CNTNAP2: variants seen among roughly 807,000 people sequenced by gnomAD.
CNTNAP2 encodes the protein contactin-associated protein-like 2.
In CNTNAP2, 98 loss-of-function variants were observed where a neutral mutation model predicts 155.2. The observed-to-expected ratio is 0.63, with a 90% CI of 0.54 to 0.75. The LOEUF is 0.75. CNTNAP2 is among the 30% of genes least tolerant of loss of function. The pLI, the probability that CNTNAP2 is intolerant of heterozygous loss-of-function variation, is 0.00. For missense variants in CNTNAP2, 1,727 were observed against 1,688.1 expected, an observed-to-expected ratio of 1.02 and a Z score of -0.40; for synonymous variants, 651 against 631.2, an observed-to-expected ratio of 1.03 and a Z score of -0.47.
rs78812897 is a variant in CNTNAP2 at position 146,823,848 on chromosome 7, T to C, written c.209-15863T>C. 1.9e-3 allele frequency among the ~76,000 whole-genome samples: 289 copies of C among 152,158 alleles called. 3 individuals are homozygous for C. The East Asian group carries it at 0.051, about 27-fold the overall frequency. ...GTTGAGATTTATAACTTGGACCCCG[T>C]ATTCTATAATGTCACACAGACATAT... On this transcript the variant is annotated intron_variant, in intron 2 of 23. Transcript: ENST00000361727.
At chr7:147,366,202 A>G (rs1355556911) in intron 9 of CNTNAP2, among the ~76,000 whole-genome samples, 1 of 152,128 alleles carries the variant, frequency 6.6e-6, no homozygotes, top group Non-Finnish European at 1.5e-5. Flanking sequence ...TAGATTTCCA[A>G]AATTTTACAT....
chr7:147,228,037 C>T (rs1258990090), intron 8 of CNTNAP2, among the ~76,000 whole-genome samples: 1 of 151,940 alleles, frequency 6.6e-6, no homozygotes, highest in Non-Finnish European at 1.5e-5. Context: ...GGTGTAAAGG[C>T]CTGCAAATAA....
At chr7:147,248,407 G>T (rs965588655) in intron 8 of CNTNAP2, among the ~76,000 whole-genome samples, 2 of 152,120 alleles carry the variant, frequency 1.3e-5, no homozygotes, top group Admixed American at 6.6e-5. Flanking sequence ...GGTACACTTC[G>T]CAGTCTTGGT....
chr7:146,720,952 CTA>C (rs796077488), intron 1 of CNTNAP2, among the ~76,000 whole-genome samples: 2 of 126,034 alleles, frequency 1.6e-5, no homozygotes, highest in African/African-American at 7.0e-5. Context: ...TCTATATATT[CTA>C]TATATATACA....
At chr7:147,125,175 C>G (rs2129283679) in intron 6 of CNTNAP2, among the ~76,000 whole-genome samples, 1 of 152,062 alleles carries the variant, frequency 6.6e-6, no homozygotes, top group African/African-American at 2.4e-5. Context: ...CCACCCCACC[C>G]AGCCCTAATT....
At chr7:147,383,562 T>C (rs1033594008) in intron 9 of CNTNAP2, among the ~76,000 whole-genome samples, 1 of 151,570 alleles carries the variant, frequency 6.6e-6, no homozygotes, top group Non-Finnish European at 1.5e-5. Flanking sequence ...TAAGTGGGAG[T>C]TGAACAATGA....
At chr7:147,388,540 A>G (rs192316290) in intron 9 of CNTNAP2, among the ~76,000 whole-genome samples, 41 of 152,256 alleles carry the variant, frequency 2.7e-4, no homozygotes, top group African/African-American at 8.2e-4. Flanking sequence ...ACACTAATTG[A>G]TTAAATCCTA....
chr7:147,868,571 C>T (rs1468580781), intron 13 of CNTNAP2, among the ~76,000 whole-genome samples: 1 of 152,222 alleles, frequency 6.6e-6, no homozygotes, highest in Non-Finnish European at 1.5e-5. Context: ...ATGCCCTGCC[C>T]ACAGAGGTGG....
chr7:146,774,968 G>A (rs191610379), intron 2 of CNTNAP2, among the ~76,000 whole-genome samples: 1 of 152,212 alleles, frequency 6.6e-6, no homozygotes, highest in African/African-American at 2.4e-5. Flanking sequence ...TTCACTGAGA[G>A]TAAAAGAACA....
In CNTNAP2 at chr7:148,187,147, C is replaced by CACACACAA. The variant is rs1197880658; in HGVS notation, c.3010+14670_3010+14671insCACACAAA. The stretch of plus-strand genomic sequence containing the variant: ...ACACACACACACACACACACACACA[C>CACACACAA]AAACAGAGCCAGGTGTGAGCTGGAC... On this transcript the variant is annotated intron_variant, in intron 18 of 23. Transcript: ENST00000361727. Among the ~76,000 whole-genome samples, 263 of 67,188 alleles carry CACACACAA rather than the reference C, an allele frequency of 3.9e-3. 24 individuals carry two copies. Among genetic ancestry groups the CACACACAA allele is most frequent in the African/African-American group, 7.0e-3 (225 of 32,232 alleles). The allele number at this position is 67,188 out of a possible 152,430, so 44.1% of individuals were successfully genotyped here. A position where few individuals can be genotyped will look rare whatever the true frequency, so the allele number is the denominator to read the frequency against.
At chr7:146,810,898 G>A (rs139530809) in intron 2 of CNTNAP2, among the ~76,000 whole-genome samples, 176 of 152,186 alleles carry the variant, frequency 1.2e-3, no homozygotes, top group Non-Finnish European at 1.9e-3. Flanking sequence ...ATGATCATAT[G>A]ATTTTTAGCC....
chr7:147,910,852 T>G (rs1800052156), intron 14 of CNTNAP2, among the ~76,000 whole-genome samples: 1 of 152,160 alleles, frequency 6.6e-6, no homozygotes, highest in Non-Finnish European at 1.5e-5. Flanking sequence ...GAGATTTGGG[T>G]GGGAACACAG....
rs1225048153 is a variant in CNTNAP2, at chr7:147,234,334, C to CTTTTTTTTT, written c.1349-65794_1349-65786dup. On this transcript the variant is annotated intron_variant, in intron 8 of 23. Transcript: ENST00000361727. ...TTTCACCAGTTGTCCCAAGAGTATT[C>CTTTTTTTTT]TTTTTTTTTTTTTTTTTTTTTGAGA... 3.7e-5 allele frequency among the ~76,000 whole-genome samples: 4 copies of CTTTTTTTTT among 107,552 alleles called. 1 individual carries two copies. The highest frequency in any genetic ancestry group is 7.3e-5 in the African/African-American group (2 of 27,302). The allele number at this position is 107,552 out of a possible 152,430, so 70.6% of individuals were successfully genotyped here.
chr7:147,091,555 G>A (rs922298823), intron 4 of CNTNAP2, among the ~76,000 whole-genome samples: 5 of 151,422 alleles, frequency 3.3e-5, no homozygotes, highest in African/African-American at 4.9e-5. Context: ...GGGTTCAAAA[G>A]ATTCTCTTGC....
At chr7:148,032,506 C>T (rs1365024116) in intron 15 of CNTNAP2, among the ~76,000 whole-genome samples, 2 of 152,098 alleles carry the variant, frequency 1.3e-5, no homozygotes, top group Admixed American at 1.3e-4. Context: ...CCTCTCTGCT[C>T]AGATCTCAAA....
At chr7:147,978,597 G>C (rs2373286) in intron 15 of CNTNAP2, among the ~76,000 whole-genome samples, 16,248 of 152,030 alleles carry the variant, frequency 0.11, 1,166 homozygotes, top group African/African-American at 0.21. Flanking sequence ...TGGAGTGATG[G>C]TCCCTCCTAA....
In CNTNAP2 at chr7:147,132,181, T is replaced by C. The variant is rs1459578901; in HGVS notation, c.1084-64T>C. On this transcript the variant is annotated intron_variant, in intron 7 of 23. Coordinates refer to ENST00000361727, the MANE Select transcript of CNTNAP2 (RefSeq NM_014141.6). ...ACTTGTAGAACTATACTTTCATCAG[T>C]GGTCTGACATGGATGTTCATTTTAT... is the stretch of plus-strand genomic sequence containing the variant. The C allele has an allele frequency of 6.9e-6, 11 of 1,594,352 alleles. No homozygotes were observed. The East Asian group carries it at 2.5e-4, about 36-fold the overall frequency.
chr7:148,331,771 A>AGTGGACAGG lies in CNTNAP2; in HGVS notation c.3476-51878_3476-51877insGTGGACAGG, dbSNP rs1798028440. 1.6e-5 allele frequency among the ~76,000 whole-genome samples: 2 copies of AGTGGACAGG among 128,652 alleles called. 1 individual carries two copies. Among genetic ancestry groups the AGTGGACAGG allele is most frequent in the African/African-American group, 5.8e-5 (2 of 34,600 alleles). 84.4% of individuals were successfully genotyped at this position (128,652 alleles called of 152,430 possible). A position where few individuals can be genotyped will look rare whatever the true frequency, so the allele number is the denominator to read the frequency against. On this transcript the variant is annotated intron_variant, in intron 21 of 23. Coordinates refer to ENST00000361727, the MANE Select transcript of CNTNAP2 (RefSeq NM_014141.6). ...TGGAACGGACGGATGGATTGGATGG[A>AGTGGACAGG]TGGAATGGACAGATGGAGTGGATGG...
intron 10 of CNTNAP2, among the ~76,000 whole-genome samples, chr7:147,459,269 A>G (rs1426587947): frequency 1.3e-5 from 2 of 152,146 alleles, no homozygotes; most frequent in Non-Finnish European, 2.9e-5. Flanking sequence ...CCATTTCTGC[A>G]TTTCTTTTAT....
Sources: allele counts gnomAD v4.1 joint callset (sites outside exome capture counted in the v4.1 genomes callset), GRCh38; gene constraint gnomAD v4.1.1; transcripts MANE v1.5; gene names NCBI Gene and HGNC (gene_info 2026-07-23, HGNC 2026-07-21).